The following KIF1B variants were observed in gnomAD, a reference collection of about 807,000 sequenced individuals.
KIF1B encodes the protein kinesin family member 1B.
KIF1B carries 76 observed loss-of-function variants against 241.9 expected under a neutral mutation model. The ratio of observed to expected loss-of-function variants is 0.31; its 90% confidence interval spans 0.26 to 0.38. KIF1B has a LOEUF of 0.38. KIF1B is among the 10% of genes least tolerant of loss of function. The pLI, the probability that KIF1B is intolerant of heterozygous loss-of-function variation, is 1.00. For synonymous variants in KIF1B, 750 were observed against 796.7 expected (o/e 0.94, Z 0.99); for missense variants, 1,622 against 2,271.4 (o/e 0.71, Z 5.81).
intron 38 of KIF1B, chr1:10,355,411 C>G (rs969665964): frequency 6.6e-5 from 10 of 152,362 alleles, no homozygotes; most frequent in African/African-American, 2.2e-4. Flanking sequence ...TGTCTGTTTG[C>G]TTTTTTGCAC....
At position 10,374,541 on chromosome 1, in the gene KIF1B, CT is replaced by C; in HGVS notation, c.5096+77del. On this transcript the variant is annotated intron_variant, in intron 46 of 48. Transcript: ENST00000676179. The surrounding 1 kb of genome is among the most constrained non-coding windows in gnomAD (Gnocchi z 4.3). ...GAAGAAGTGACTGGCCAGCTCTTCC[CT>C]GTGAGGTCTGTACTGTAGTCTGATG... The C allele has an allele frequency of 6.8e-7, 1 of 1,481,296 alleles. No individual in the cohort carries two copies. Among genetic ancestry groups the C allele is most frequent in the Non-Finnish European group, 9.4e-7 (1 of 1,062,458 alleles). 91.8% of individuals were successfully genotyped at this position (1,481,296 alleles called of 1,614,324 possible).
chr1:10,233,785 G>T (rs934504085), intron 2 of KIF1B, among the ~76,000 whole-genome samples: 9 of 149,962 alleles, frequency 6.0e-5, no homozygotes, highest in African/African-American at 2.0e-4. Context: ...ATGATCTCAG[G>T]TGCCTGCCAC....
intron 2 of KIF1B, among the ~76,000 whole-genome samples, chr1:10,238,575 C>T (rs1360207463): frequency 4.0e-5 from 6 of 151,364 alleles, no homozygotes; most frequent in Non-Finnish European, 5.9e-5. Flanking sequence ...CATGGTGGTG[C>T]GCGCCTGTGG....
At chr1:10,236,030 TGGGA>T (rs909586376) in intron 2 of KIF1B, among the ~76,000 whole-genome samples, 1 of 152,020 alleles carries the variant, frequency 6.6e-6, no homozygotes, top group Admixed American at 6.6e-5. Flanking sequence ...CCCAGCACTT[TGGGA>T]GGCTGACGCG....
chr1:10,321,898 G>A lies in KIF1B; in HGVS notation c.2358+41G>A, dbSNP rs369002972. ...ACACAGGAGAGCTGGAGGCAAAGCC[G>A]AGCCTGCTGTGGGTGCATCTGGGTT... On this transcript the variant is annotated intron_variant, in intron 24 of 48. Transcript: ENST00000676179. The A allele has an allele frequency of 1.5e-5, 24 of 1,612,420 alleles. 1 individual carries two copies. The highest frequency in any genetic ancestry group is 1.7e-4 in the Middle Eastern group (1 of 6,040).
rs1649820424 is a variant in KIF1B, at chr1:10,288,453, A to G, written c.1435-2629A>G. ...ATCATTTCTGCTGAGGACTGTGTAG[A>G]GATGCCATTCAGGTAGCTGTTTTAG... On this transcript the variant is annotated intron_variant, in intron 15 of 48. Coordinates refer to ENST00000676179, the MANE Select transcript of KIF1B (RefSeq NM_001365951.3). Among the ~76,000 whole-genome samples, 5 of 152,248 alleles carry G rather than the reference A, an allele frequency of 3.3e-5. No individual in the cohort carries two copies. The South Asian group carries it at 1.0e-3, about 32-fold the overall frequency.
At chr1:10,241,382 G>A (rs1198162938) in intron 2 of KIF1B, among the ~76,000 whole-genome samples, 2 of 152,232 alleles carry the variant, frequency 1.3e-5, no homozygotes, top group East Asian at 1.9e-4. Context: ...AGGATTACAC[G>A]CATGAGCCAC....
At chr1:10,248,282 T>G (rs1647269376) in intron 2 of KIF1B, among the ~76,000 whole-genome samples, 1 of 151,870 alleles carries the variant, frequency 6.6e-6, no homozygotes, top group African/African-American at 2.4e-5. Flanking sequence ...TCACTGTAGC[T>G]TCAACTTCCT....
chr1:10,248,728 G>A (rs1647287710), intron 2 of KIF1B, among the ~76,000 whole-genome samples: 2 of 151,866 alleles, frequency 1.3e-5, no homozygotes, highest in South Asian at 4.1e-4. Context: ...AGTGGTGGTT[G>A]AACCAGGGTG....
intron 1 of KIF1B, among the ~76,000 whole-genome samples, chr1:10,212,890 GTATATATATATATA>G (rs201066671): frequency 0.013 from 1,373 of 109,490 alleles, 31 homozygotes; most frequent in African/African-American, 0.042. Flanking sequence ...ATGCGTGTGT[GTATATATATATATA>G]TATATATATA....
At chr1:10,287,277 A>AC (rs773690292) in intron 15 of KIF1B, among the ~76,000 whole-genome samples, 5 of 152,054 alleles carry the variant, frequency 3.3e-5, no homozygotes, top group Admixed American at 6.6e-5. Context: ...GCTCAGTGCA[A>AC]CCTCTGCCTT....
intron 2 of KIF1B, among the ~76,000 whole-genome samples, chr1:10,243,972 A>G (rs1055248479): frequency 3.9e-5 from 6 of 152,080 alleles, no homozygotes; most frequent in African/African-American, 7.2e-5. Flanking sequence ...TGTTTATTCA[A>G]TGTGTATGCT....
At chr1:10,241,313 A>T (rs1402983799) in intron 2 of KIF1B, among the ~76,000 whole-genome samples, 3 of 152,068 alleles carry the variant, frequency 2.0e-5, no homozygotes, top group African/African-American at 7.2e-5. Flanking sequence ...TATATTGCCC[A>T]GGCTGGTCTT....
intron 4 of KIF1B, among the ~76,000 whole-genome samples, chr1:10,260,311 G>C (rs1022252169): frequency 6.6e-6 from 1 of 152,186 alleles, no homozygotes. Flanking sequence ...CCTGCATAGT[G>C]CTCTTACACT....
At chr1:10,307,994 A>T in intron 22 of KIF1B, 1 of 1,057,212 alleles carries the variant, frequency 9.5e-7, no homozygotes, top group Non-Finnish European at 1.1e-6. Flanking sequence ...ACTTGAAGTG[A>T]CCTTTTGTGC....
intron 32 of KIF1B, among the ~76,000 whole-genome samples, chr1:10,340,302 C>T (rs1480298226): frequency 6.6e-6 from 1 of 152,186 alleles, no homozygotes; most frequent in Non-Finnish European, 1.5e-5. Context: ...GTATAATTAA[C>T]ACATTAATGC....
chr1:10,305,488 G>A (rs754126310), intron 22 of KIF1B: 2 of 1,059,876 alleles, frequency 1.9e-6, no homozygotes, highest in Non-Finnish European at 2.3e-6. Context: ...TAGCTTGTAA[G>A]GAGGTTATTT....
Position 10,364,091 on chromosome 1 carries a change from A to G in KIF1B, c.4366+747A>G, listed in dbSNP as rs146148690. 5.0e-3 allele frequency among the ~76,000 whole-genome samples: 754 copies of G among 152,142 alleles called. 10 individuals are homozygous for G. The highest frequency in any genetic ancestry group is 0.017 in the African/African-American group (711 of 41,546). On this transcript the variant is annotated intron_variant, in intron 41 of 48. Coordinates refer to ENST00000676179, the MANE Select transcript of KIF1B (RefSeq NM_001365951.3). ...CTAAAAAAAATTAACAGGAAATAAT[A>G]GAGGCTAAAGTTCTCTGTCATCTGT...
chr1:10,361,776 C>CG lies in KIF1B; in HGVS notation c.4256dup (p.Ser1420LeufsTer4). 1 of 1,614,198 alleles carries CG rather than the reference C, an allele frequency of 6.2e-7. No individual in the cohort carries two copies. Among genetic ancestry groups the CG allele is most frequent in the African/African-American group, 1.3e-5 (1 of 75,076 alleles). On this transcript the variant is annotated frameshift_variant, in exon 40 of 49. Coordinates refer to ENST00000676179, the MANE Select transcript of KIF1B (RefSeq NM_001365951.3). LOFTEE classifies it high-confidence loss of function. Reference sequence around the variant, plus strand: ...CCGAGATGCCAAGATCTCACCACCACGCTCTCTGCGTAGCCTCTTTGGCAG... The same window carrying CG: ...CCGAGATGCCAAGATCTCACCACCACGGCTCTCTGCGTAGCCTCTTTGGCAG...
Sources: allele counts gnomAD v4.1 joint callset (sites outside exome capture counted in the v4.1 genomes callset), GRCh38; gene constraint gnomAD v4.1.1; non-coding constraint Gnocchi (gnomAD v3.1); transcripts MANE v1.5; gene names NCBI Gene and HGNC (gene_info 2026-07-23, HGNC 2026-07-21).